Variants in FSIP2 observed in about 807,000 individuals in gnomAD.
FSIP2 encodes fibrous sheath interacting protein 2.
FSIP2 carries 367 observed loss-of-function variants against 510.5 expected under a neutral mutation model. The ratio of observed to expected loss-of-function variants is 0.72; its 90% CI spans 0.66 to 0.78. The LOEUF (loss-of-function observed/expected upper bound fraction) is 0.78. Ranked by LOEUF, FSIP2 falls within the 30% of genes least tolerant of loss-of-function variation. The pLI is 0.00. For synonymous variants in FSIP2, 2,601 were observed against 2,732.2 expected (o/e 0.95, Z 1.50); for missense variants, 7,594 against 7,901.7 (o/e 0.96, Z 1.48).
chr2:185,787,043 A>G (rs1329473358), intron 15 of FSIP2, among the ~76,000 whole-genome samples: 1 of 151,824 alleles, frequency 6.6e-6, no homozygotes, highest in Non-Finnish European at 1.5e-5. Context: ...TAACTAACCT[A>G]AGAGTAATAA....
Position 185,790,179 on chromosome 2 carries a change from G to A in FSIP2, c.3043G>A (p.Val1015Met). The change falls in exon 16 of 23, where the codon GTG becomes ATG. Residue 1015 changes from valine to methionine, a missense_variant. Transcript: ENST00000424728. ...GGAAATAGACAATATTGTAAAAAAT[G>A]TGCTTGATTCAACTTTCAAAGATGA... Reference protein sequence around the residue: ...NEEIDNIVKNVLDSTFKDEKV... With the variant: ...NEEIDNIVKNMLDSTFKDEKV... 6.5e-7 allele frequency: 1 copy of A among 1,531,834 alleles called. No homozygotes were observed. Among genetic ancestry groups the A allele is most frequent in the East Asian group, 2.4e-5 (1 of 40,826 alleles). The allele number at this position is 1,531,834 out of a possible 1,614,324, so 94.9% of individuals were successfully genotyped here.
chr2:185,784,545 A>G (rs1437904213), intron 14 of FSIP2, among the ~76,000 whole-genome samples: 1 of 152,136 alleles, frequency 6.6e-6, no homozygotes, highest in Non-Finnish European at 1.5e-5. Flanking sequence ...CACAGATCCG[A>G]AAGACTTTAA....
In FSIP2 at chr2:185,768,393, G is replaced by T. The variant is rs371887971; in HGVS notation, c.1411+3828G>T. 5.9e-5 allele frequency among the ~76,000 whole-genome samples: 9 copies of T among 151,842 alleles called. No homozygotes were observed. In the East Asian group the frequency reaches 1.5e-3, roughly 26 times the overall value. The stretch of plus-strand genomic sequence containing the variant: ...TCTCTCTTACACTTTTATGCCTTAA[G>T]GCCTTATGTTTATATCTTTAATTCA... On this transcript the variant is annotated intron_variant, in intron 13 of 22. Coordinates refer to ENST00000424728, the MANE Select transcript of FSIP2 (RefSeq NM_173651.4).
At chr2:185,830,254 C>T (rs1694083469) in intron 21 of FSIP2, among the ~76,000 whole-genome samples, 1 of 151,916 alleles carries the variant, frequency 6.6e-6, no homozygotes, top group Non-Finnish European at 1.5e-5. Context: ...AGAACAAAGA[C>T]AATATCTACA....
intron 20 of FSIP2, among the ~76,000 whole-genome samples, chr2:185,827,304 G>A (rs1694030128): frequency 6.6e-6 from 1 of 151,776 alleles, no homozygotes; most frequent in South Asian, 2.1e-4. Context: ...ACTTTATATA[G>A]TTATTGCTTG....
intron 15 of FSIP2, among the ~76,000 whole-genome samples, chr2:185,786,968 C>G (rs1443866938): frequency 2.6e-5 from 4 of 151,744 alleles, no homozygotes; most frequent in Non-Finnish European, 5.9e-5. Flanking sequence ...TATCATATTT[C>G]ACTACAAAGA....
intron 20 of FSIP2, among the ~76,000 whole-genome samples, chr2:185,825,048 A>G (rs1322584858): frequency 6.6e-6 from 1 of 151,864 alleles, no homozygotes; most frequent in Admixed American, 6.6e-5. Context: ...CATATATAAG[A>G]GGTAGAGTGT....
At chr2:185,783,528 A>G (rs1692899741) in intron 14 of FSIP2, among the ~76,000 whole-genome samples, 1 of 152,302 alleles carries the variant, frequency 6.6e-6, no homozygotes, top group African/African-American at 2.4e-5. Context: ...TGATATTGAC[A>G]TGTTCAGACA....
intron 2 of FSIP2, 46 bp downstream of exon 2, chr2:185,739,517 T>G (rs1691878232): frequency 7.1e-7 from 1 of 1,412,330 alleles, no homozygotes; most frequent in Middle Eastern, 1.8e-4. Context: ...CTTTACTACT[T>G]GCTGTTTAAC....
At position 185,831,816 on chromosome 2, in the gene FSIP2, A is replaced by G; in HGVS notation, c.20521A>G (p.Ile6841Val). 1.2e-6 allele frequency: 2 copies of G among 1,606,070 alleles called. No individual in the cohort carries two copies. Among genetic ancestry groups the G allele is most frequent in the Non-Finnish European group, 1.7e-6 (2 of 1,173,566 alleles). The stretch of plus-strand genomic sequence containing the variant: ...GTATTTCAATTTACCTTGGCAGTTT[A>G]TCACCATCTTTGAAAGATCCAAGGA... ...KPEHGNSVKF[I>V]TIFERSKDVL... The change falls in exon 22 of 23, where the codon ATC becomes GTC. Residue 6841 changes from isoleucine (I) to valine (V), a missense_variant. Ile to Val is a conservative substitution (Grantham distance 29). Coordinates refer to ENST00000424728, the MANE Select transcript of FSIP2 (RefSeq NM_173651.4).
Position 185,789,675 on chromosome 2 carries a change from G to C in FSIP2, c.2539G>C (p.Asp847His). 3 of 1,533,902 alleles carry C rather than the reference G, an allele frequency of 2.0e-6. No individual in the cohort carries two copies. Among genetic ancestry groups the C allele is most frequent in the Non-Finnish European group, 2.6e-6 (3 of 1,145,642 alleles). Reference protein sequence around the residue: ...FKQNEFLHLKDTNKLSCQQHK... With the variant: ...FKQNEFLHLKHTNKLSCQQHK... ...GCAAAATGAATTTCTTCATCTTAAAGACACAAATAAGCTTTCCTGCCAGCA... is the reference window on the plus strand; with the variant it reads ...GCAAAATGAATTTCTTCATCTTAAACACACAAATAAGCTTTCCTGCCAGCA... Residue 847 changes from aspartate (D) to histidine (H), a missense_variant, in exon 16 of 23, where the codon GAC (aspartate) becomes CAC (histidine). Coordinates refer to ENST00000424728, the MANE Select transcript of FSIP2 (RefSeq NM_173651.4).
In FSIP2 at chr2:185,824,423, T is replaced by C. The variant is rs1479107946; in HGVS notation, c.20427-11T>C. The C allele has an allele frequency of 6.3e-7, 1 of 1,575,746 alleles. No homozygotes were observed. The highest frequency in any genetic ancestry group is 8.7e-7 in the Non-Finnish European group (1 of 1,155,776). On this transcript the variant is annotated splice_polypyrimidine_tract_variant and intron_variant, in intron 19 of 22. Transcript: ENST00000424728. ...TTCACCCTAAATGATGTTCTTTTTC[T>C]TTTGTTTTAGTGAGGCTGAAGATTG...
At chr2:185,760,965 G>T in intron 9 of FSIP2, 23 bp from the exon 10 acceptor site, 4 of 944,554 alleles carry the variant, frequency 4.2e-6, no homozygotes, top group Non-Finnish European at 6.1e-6. Flanking sequence ...AAACTATAGA[G>T]TTTCTCTCTC....
rs1234575963 is a variant in FSIP2 at position 185,803,693 on chromosome 2, A to G, written c.14387A>G (p.Lys4796Arg). ...ATGTTATCACATAGTCATTTGGAAAAAATAGTTACTCAGCTTACATCTCAG... is the reference window on the plus strand; with the variant it reads ...ATGTTATCACATAGTCATTTGGAAAGAATAGTTACTCAGCTTACATCTCAG... Reference protein sequence around the residue: ...TTMLSHSHLEKIVTQLTSQIS... With the variant: ...TTMLSHSHLERIVTQLTSQIS... The change falls in exon 17 of 23, where the codon AAA (lysine) becomes AGA (arginine). Residue 4796 changes from lysine (K) to arginine (R), a missense_variant. Transcript: ENST00000424728. The G allele has an allele frequency of 5.9e-6, 9 of 1,532,652 alleles. No homozygotes were observed. Among genetic ancestry groups the G allele is most frequent in the Non-Finnish European group, 7.9e-6 (9 of 1,144,598 alleles). 94.9% of individuals were successfully genotyped at this position (1,532,652 alleles called of 1,614,324 possible). A position where few individuals can be genotyped will look rare whatever the true frequency, so the allele number is the denominator to read the frequency against.
chr2:185,825,511 T>A (rs868279506), intron 20 of FSIP2, among the ~76,000 whole-genome samples: 1 of 151,624 alleles, frequency 6.6e-6, no homozygotes, highest in African/African-American at 2.4e-5. Flanking sequence ...ACACTAGAAG[T>A]CCAAACCTCA....
intron 19 of FSIP2, among the ~76,000 whole-genome samples, chr2:185,820,961 G>C (rs1424762344): frequency 9.8e-6 from 1 of 101,560 alleles, no homozygotes; most frequent in African/African-American, 3.6e-5. Context: ...GAATAAAATA[G>C]AGAATAAAAA....
At chr2:185,798,242 A>G (rs1362580048) in intron 16 of FSIP2, among the ~76,000 whole-genome samples, 1 of 151,868 alleles carries the variant, frequency 6.6e-6, no homozygotes, top group Non-Finnish European at 1.5e-5. Context: ...TAATTTTTGT[A>G]TTCTTGAAGG....
chr2:185,804,635 T>C lies in FSIP2; in HGVS notation c.15329T>C (p.Ile5110Thr). Reference sequence around the variant, plus strand: ...GATAGCCATGCCTTGCCACCATATATTACTGTGTTGCCTCATTCTCTTTTA... The same window carrying C: ...GATAGCCATGCCTTGCCACCATATACTACTGTGTTGCCTCATTCTCTTTTA... ...TKDSHALPPY[I>T]TVLPHSLLED... The change falls in exon 17 of 23, where the codon ATT becomes ACT. Residue 5110 changes from isoleucine to threonine, a missense_variant. By Grantham distance (89) the Ile-to-Thr change is moderately conservative (BLOSUM62 -1). Coordinates refer to ENST00000424728, the MANE Select transcript of FSIP2 (RefSeq NM_173651.4). 6.5e-7 allele frequency: 1 copy of C among 1,533,312 alleles called. No individual in the cohort carries two copies. 95.0% of individuals were successfully genotyped at this position (1,533,312 alleles called of 1,614,324 possible). A position where few individuals can be genotyped will look rare whatever the true frequency, so the allele number is the denominator to read the frequency against.
At chr2:185,764,768 G>A (rs1222099039) in intron 13 of FSIP2, 3 of 480,450 alleles carry the variant, frequency 6.2e-6, no homozygotes, top group East Asian at 6.7e-5. Flanking sequence ...TAAAGGAAGT[G>A]GGTATGTGTA....
Sources: gnomAD v4.1 joint callset for allele counts (sites outside exome capture counted in the v4.1 genomes callset) on GRCh38, gnomAD v4.1.1 for gene constraint, MANE v1.5 for transcripts, NCBI Gene and HGNC (gene_info 2026-07-23, HGNC 2026-07-21) for gene names.